The following C8orf34 variants were observed in gnomAD, a reference collection of about 807,000 sequenced individuals.
The protein encoded by C8orf34 is uncharacterized protein C8orf34.
C8orf34 carries 65 observed loss-of-function variants against 68.3 expected under a neutral mutation model. The ratio of observed to expected loss-of-function variants is 0.95; its 90% CI spans 0.78 to 1.17. The LOEUF is 1.17. C8orf34 is among the 50% of genes most tolerant of loss of function. The pLI, the probability that C8orf34 is intolerant of heterozygous loss-of-function variation, is 0.00. For missense variants in C8orf34, 664 were observed against 655.4 expected (o/e 1.01, Z -0.14); for synonymous variants, 244 against 241.2 (o/e 1.01, Z -0.11).
chr8:68,719,291 T>C (rs1489501891), intron 9 of C8orf34, among the ~76,000 whole-genome samples: 1 of 152,080 alleles, frequency 6.6e-6, no homozygotes, highest in Non-Finnish European at 1.5e-5. Context: ...GTTCTGGCAG[T>C]ACTTATAGTT....
chr8:68,641,665 C>G (rs976260879), intron 8 of C8orf34, among the ~76,000 whole-genome samples: 2 of 152,010 alleles, frequency 1.3e-5, no homozygotes, highest in African/African-American at 4.8e-5. Context: ...GGAGAGGGGT[C>G]GATGCTTGGT....
At chr8:68,411,902 C>T (rs1488476275) in intron 1 of C8orf34, among the ~76,000 whole-genome samples, 1 of 152,114 alleles carries the variant, frequency 6.6e-6, no homozygotes, top group Admixed American at 6.6e-5. Context: ...AGCTAGTCAC[C>T]AAGGTGATGG....
intron 6 of C8orf34, among the ~76,000 whole-genome samples, chr8:68,529,440 A>G (rs1311099372): frequency 6.6e-6 from 1 of 152,206 alleles, no homozygotes; most frequent in Non-Finnish European, 1.5e-5. Flanking sequence ...TGTAATTGTG[A>G]AATTCAAAAT....
intron 7 of C8orf34, among the ~76,000 whole-genome samples, chr8:68,569,279 G>A (rs765739458): frequency 2.6e-5 from 4 of 152,222 alleles, no homozygotes; most frequent in Non-Finnish European, 4.4e-5. Context: ...CACCACGCAC[G>A]TGGTGGGAGC....
intron 7 of C8orf34, among the ~76,000 whole-genome samples, chr8:68,551,521 T>C (rs549483352): frequency 6.0e-4 from 91 of 152,204 alleles, no homozygotes; most frequent in African/African-American, 2.2e-3. Context: ...GGTTACTTCT[T>C]GTTTCCTCTC....
At chr8:68,754,862 A>G (rs1280539212) in intron 10 of C8orf34, among the ~76,000 whole-genome samples, 1 of 152,202 alleles carries the variant, frequency 6.6e-6, no homozygotes, top group Non-Finnish European at 1.5e-5. Context: ...TACTATATAT[A>G]TCTATTAACT....
intron 8 of C8orf34, among the ~76,000 whole-genome samples, chr8:68,672,002 A>G (rs1172407274): frequency 6.6e-6 from 1 of 152,252 alleles, no homozygotes; most frequent in South Asian, 2.1e-4. Flanking sequence ...CAGATTAACA[A>G]GAGGAAAAAA....
chr8:68,736,623 A>T (rs568354320), intron 10 of C8orf34, among the ~76,000 whole-genome samples: 1 of 152,250 alleles, frequency 6.6e-6, no homozygotes, highest in South Asian at 2.1e-4. Context: ...TTTTTATCGT[A>T]ACAAGTCATG....
At chr8:68,459,321 C>A (rs1294987254) in intron 3 of C8orf34, among the ~76,000 whole-genome samples, 1 of 152,082 alleles carries the variant, frequency 6.6e-6, no homozygotes, top group Non-Finnish European at 1.5e-5. Context: ...CCTCCGTCTC[C>A]CAGGTTCAAG....
intron 8 of C8orf34, among the ~76,000 whole-genome samples, chr8:68,702,274 G>T (rs1413657439): frequency 2.0e-5 from 3 of 151,970 alleles, no homozygotes; most frequent in Middle Eastern, 3.2e-3. Flanking sequence ...TATCGCAAAA[G>T]CTCCCCAAAT....
intron 10 of C8orf34, among the ~76,000 whole-genome samples, chr8:68,760,319 G>A (rs778861007): frequency 6.6e-6 from 1 of 152,166 alleles, no homozygotes; most frequent in Non-Finnish European, 1.5e-5. Context: ...TCAATCGAAA[G>A]CATTCTTAGT....
intron 10 of C8orf34, among the ~76,000 whole-genome samples, chr8:68,761,474 T>G (rs1823022268): frequency 6.6e-6 from 1 of 152,218 alleles, no homozygotes; most frequent in Admixed American, 6.5e-5. Flanking sequence ...TAAGCCCCAA[T>G]TTGACTCTCT....
intron 8 of C8orf34, among the ~76,000 whole-genome samples, chr8:68,662,995 A>C (rs1350457045): frequency 8.5e-5 from 13 of 152,234 alleles, no homozygotes; most frequent in African/African-American, 3.1e-4. Flanking sequence ...AAACAATGGA[A>C]GTTACCCTTT....
intron 10 of C8orf34, among the ~76,000 whole-genome samples, chr8:68,739,923 A>G (rs935025324): frequency 2.0e-5 from 3 of 152,182 alleles, no homozygotes; most frequent in African/African-American, 7.2e-5. Context: ...CACATAGACC[A>G]GAATAGAGAG....
At chr8:68,662,481 T>C (rs1160978015) in intron 8 of C8orf34, among the ~76,000 whole-genome samples, 1 of 152,092 alleles carries the variant, frequency 6.6e-6, no homozygotes, top group Non-Finnish European at 1.5e-5. Flanking sequence ...GGGGGAAGTT[T>C]CCCCCATACT....
chr8:68,726,984 C>T (rs949516147), intron 10 of C8orf34, among the ~76,000 whole-genome samples: 21 of 152,288 alleles, frequency 1.4e-4, no homozygotes, highest in Admixed American at 1.3e-3. Context: ...CATTTCAAAA[C>T]CAATCATCAC....
chr8:68,763,142 T>G (rs1275826609), intron 10 of C8orf34, among the ~76,000 whole-genome samples: 1 of 152,194 alleles, frequency 6.6e-6, no homozygotes, highest in African/African-American at 2.4e-5. Context: ...TACAATAGTC[T>G]TGGACTAAAC....
rs185833636 is a variant in C8orf34 at position 68,472,762 on chromosome 8, A to G, written c.736+3942A>G. On this transcript the variant is annotated intron_variant, in intron 4 of 13. Coordinates refer to ENST00000518698, the MANE Select transcript of C8orf34 (RefSeq NM_052958.4). ...AATAAAATGTTGTATTTAACCCAATATATCCAATTATTATGTTTCATTGTA... is the reference window on the plus strand; with the variant it reads ...AATAAAATGTTGTATTTAACCCAATGTATCCAATTATTATGTTTCATTGTA... Among the ~76,000 whole-genome samples the G allele has an allele frequency of 6.8e-4, 104 of 152,314 alleles. 1 individual carries two copies. Among genetic ancestry groups the G allele is most frequent in the Admixed American group, 3.7e-3 (56 of 15,292 alleles).
intron 7 of C8orf34, among the ~76,000 whole-genome samples, chr8:68,569,483 C>T (rs1816699623): frequency 6.6e-6 from 1 of 150,902 alleles, no homozygotes; most frequent in Non-Finnish European, 1.5e-5. Flanking sequence ...ATGCCCGGGA[C>T]TCCCAGTAGC....
Sources: allele counts gnomAD v4.1 joint callset (sites outside exome capture counted in the v4.1 genomes callset), GRCh38; gene constraint gnomAD v4.1.1; transcripts MANE v1.5; gene names NCBI Gene and HGNC (gene_info 2026-07-23, HGNC 2026-07-21).